Variants in HDAC9 observed in about 807,000 individuals in gnomAD.
HDAC9 encodes the protein MEF-2 interacting transcription repressor (MITR) protein.
A neutral mutation model predicts 139.4 loss-of-function variants in HDAC9; 41 were observed. That is an observed-to-expected ratio of 0.29 (90% CI 0.23 to 0.38). The LOEUF is 0.38. HDAC9 is among the 10% of genes least tolerant of loss of function. HDAC9 has a pLI of 1.00. For synonymous variants in HDAC9, 517 were observed against 476.2 expected, an observed-to-expected ratio of 1.09 and a Z score of -1.12; for missense variants, 1,147 against 1,297.0, an observed-to-expected ratio of 0.88 and a Z score of 1.78.
At chr7:18,657,196 ATT>A (rs1791519222) in intron 11 of HDAC9, among the ~76,000 whole-genome samples, 1 of 151,970 alleles carries the variant, frequency 6.6e-6, no homozygotes, top group Non-Finnish European at 1.5e-5. Flanking sequence ...CAGAGGGGTA[ATT>A]TGCAAATATT....
chr7:18,541,953 T>C (rs111391488), intron 2 of HDAC9, among the ~76,000 whole-genome samples: 3 of 152,328 alleles, frequency 2.0e-5, no homozygotes, highest in African/African-American at 7.2e-5. Flanking sequence ...TCAGGGTTTT[T>C]GAGATTTGAT....
intron 1 of HDAC9, among the ~76,000 whole-genome samples, chr7:18,347,710 G>A (rs541247913): frequency 5.1e-4 from 78 of 152,024 alleles, no homozygotes; most frequent in Non-Finnish European, 1.0e-3. Flanking sequence ...TGATTCTCCT[G>A]CTTCAGGCTC....
At chr7:18,407,456 A>C (rs1343255084) in intron 1 of HDAC9, among the ~76,000 whole-genome samples, 1 of 152,186 alleles carries the variant, frequency 6.6e-6, no homozygotes, top group African/African-American at 2.4e-5. Context: ...CGTTTAGGCA[A>C]ACAAAGAGCC....
chr7:18,982,674 T>C (rs1785035938), intron 25 of HDAC9, among the ~76,000 whole-genome samples: 2 of 152,190 alleles, frequency 1.3e-5, no homozygotes, highest in Admixed American at 6.6e-5. Flanking sequence ...CGTTTTACTT[T>C]TAACACCGTC....
At position 18,371,950 on chromosome 7, in the gene HDAC9, C is replaced by T. The variant is rs1223206140; in HGVS notation, c.-42+81435C>T. Among the ~76,000 whole-genome samples the T allele has an allele frequency of 7.9e-5, 12 of 152,108 alleles. No individual in the cohort carries two copies. In the South Asian group the frequency reaches 1.2e-3, roughly 16 times the overall value. On this transcript the variant is annotated intron_variant, in intron 1 of 3. Transcript: ENST00000413509. ...CTTAACTGCTATATCCTGGGCTTCT[C>T]GAGGTAATGACAGATCTTATGCTAA...
In HDAC9 at chr7:18,377,029, G is replaced by A. The variant is rs138999944; in HGVS notation, c.-42+86514G>A. On this transcript the variant is annotated intron_variant, in intron 1 of 3. Coordinates refer to the HDAC9 transcript ENST00000413509. ...GACTGTAAAGTAGTCCTTGGCTAGA[G>A]ATACAGTGTTGACAGTGCTGATATA... 5.3e-3 allele frequency among the ~76,000 whole-genome samples: 809 copies of A among 152,234 alleles called. 7 individuals are homozygous for A. Among genetic ancestry groups the A allele is most frequent in the African/African-American group, 0.018 (764 of 41,548 alleles).
chr7:18,433,996 T>C (rs1790931970), intron 1 of HDAC9, among the ~76,000 whole-genome samples: 1 of 152,134 alleles, frequency 6.6e-6, no homozygotes, highest in South Asian at 2.1e-4. Flanking sequence ...GCTGAAAGCA[T>C]CATTACCTGC....
At chr7:18,953,871 G>T (rs1008946622) in intron 23 of HDAC9, among the ~76,000 whole-genome samples, 2 of 152,066 alleles carry the variant, frequency 1.3e-5, no homozygotes, top group Non-Finnish European at 2.9e-5. Flanking sequence ...AAATAACTCA[G>T]ATTTTTAATG....
At chr7:18,971,937 A>G (rs1301861250) in intron 24 of HDAC9, among the ~76,000 whole-genome samples, 1 of 152,230 alleles carries the variant, frequency 6.6e-6, no homozygotes, top group Non-Finnish European at 1.5e-5. Context: ...AAAGACTGCT[A>G]TTAACCATGC....
intron 22 of HDAC9, among the ~76,000 whole-genome samples, chr7:18,918,436 G>A (rs1307214192): frequency 6.6e-6 from 1 of 152,002 alleles, no homozygotes; most frequent in Admixed American, 6.6e-5. Flanking sequence ...GTTAATAACA[G>A]AGTATTATTC....
chr7:18,570,213 C>G (rs1245360857), intron 2 of HDAC9, among the ~76,000 whole-genome samples: 1 of 152,008 alleles, frequency 6.6e-6, no homozygotes, highest in Non-Finnish European at 1.5e-5. Flanking sequence ...TGCTAATTGC[C>G]TAGACTCAAT....
intron 2 of HDAC9, among the ~76,000 whole-genome samples, chr7:18,504,421 C>T (rs1190076219): frequency 6.6e-6 from 1 of 152,210 alleles, no homozygotes; most frequent in East Asian, 1.9e-4. Flanking sequence ...TGTCCTGCCT[C>T]AGCCTCCCAA....
intron 6 of HDAC9, among the ~76,000 whole-genome samples, chr7:18,595,484 C>G (rs1479286787): frequency 6.6e-6 from 1 of 151,996 alleles, no homozygotes; most frequent in Non-Finnish European, 1.5e-5. Flanking sequence ...CTTTGATCTG[C>G]AGGCTTGACA....
chr7:18,845,865 G>C lies in HDAC9; in HGVS notation c.2684+9868G>C, dbSNP rs566105557. On this transcript the variant is annotated intron_variant, in intron 21 of 25. Transcript: ENST00000686413. ...AAGGAAGAGAGGTATCTGTGGGTGC[G>C]CATCTGCTCTGTCTGTGTTTTGTTC... 1.4e-4 allele frequency among the ~76,000 whole-genome samples: 22 copies of C among 152,244 alleles called. No individual in the cohort carries two copies. The East Asian group carries it at 4.2e-3, about 29-fold the overall frequency.
chr7:18,458,471 ATAT>A (rs927988570), intron 1 of HDAC9, among the ~76,000 whole-genome samples: 1 of 152,216 alleles, frequency 6.6e-6, no homozygotes, highest in Non-Finnish European at 1.5e-5. Context: ...TAACCCACTA[ATAT>A]TATTAATACT....
intron 6 of HDAC9, among the ~76,000 whole-genome samples, chr7:18,607,532 A>G (rs1193518038): frequency 6.6e-6 from 1 of 152,212 alleles, no homozygotes; most frequent in Non-Finnish European, 1.5e-5. Context: ...GTCTCAGTAC[A>G]TATTGCCAGT....
intron 1 of HDAC9, among the ~76,000 whole-genome samples, chr7:18,464,713 T>G (rs1276274084): frequency 1.3e-5 from 2 of 152,074 alleles, no homozygotes; most frequent in African/African-American, 4.8e-5. Flanking sequence ...AAGTGTGGTC[T>G]TTTATGTTAT....
intron 1 of HDAC9, among the ~76,000 whole-genome samples, chr7:18,110,485 A>C (rs1020541767): frequency 6.6e-6 from 1 of 152,226 alleles, no homozygotes; most frequent in Non-Finnish European, 1.5e-5. Context: ...GCAGAGGCCC[A>C]GAGATGTGAC....
intron 2 of HDAC9, among the ~76,000 whole-genome samples, chr7:18,569,033 G>A (rs1823395035): frequency 6.6e-6 from 1 of 151,780 alleles, no homozygotes; most frequent in African/African-American, 2.4e-5. Flanking sequence ...GGCAACAAGA[G>A]CAAAATTCTG....
Sources: gnomAD v4.1 joint callset for allele counts (sites outside exome capture counted in the v4.1 genomes callset) on GRCh38, gnomAD v4.1.1 for gene constraint, MANE v1.5 for transcripts, NCBI Gene and HGNC (gene_info 2026-07-23, HGNC 2026-07-21) for gene names.